RAP1GAP2: variants seen among roughly 807,000 people sequenced by gnomAD.
RAP1GAP2 encodes the protein RAP1 GTPase activating protein 2.
RAP1GAP2 carries 27 observed loss-of-function variants against 95.0 expected under a neutral mutation model. The observed-to-expected ratio is 0.28, with a 90% confidence interval of 0.21 to 0.39. RAP1GAP2 has a LOEUF of 0.39. Ranked by LOEUF, RAP1GAP2 falls within the 10% of genes least tolerant of loss-of-function variation. The probability of loss-of-function intolerance (pLI) is 1.00; values close to 1 mark genes in which losing one functional copy is unlikely to be tolerated. For missense variants in RAP1GAP2, 771 were observed against 970.0 expected (o/e 0.79, Z 2.72); for synonymous variants, 373 against 380.9 (o/e 0.98, Z 0.24).
chr17:2,936,815 T>C (rs1380109070), intron 3 of RAP1GAP2, among the ~76,000 whole-genome samples: 1 of 152,184 alleles, frequency 6.6e-6, no homozygotes, highest in Non-Finnish European at 1.5e-5. Flanking sequence ...CATTGCCCAC[T>C]CCTCTGTGCG....
chr17:2,894,124 A>G (rs1405475685), intron 2 of RAP1GAP2, among the ~76,000 whole-genome samples: 1 of 33,330 alleles, frequency 3.0e-5, no homozygotes, highest in African/African-American at 7.3e-5. Flanking sequence ...AAAAATACAG[A>G]AAAAAAAAAA....
At chr17:2,757,438 T>C (rs1739010790) in intron 1 of RAP1GAP2, among the ~76,000 whole-genome samples, 1 of 152,114 alleles carries the variant, frequency 6.6e-6, no homozygotes, top group Non-Finnish European at 1.5e-5. Context: ...TAATCCACTT[T>C]TGAATTACCT....
At chr17:2,889,882 T>C (rs1206543172) in intron 2 of RAP1GAP2, among the ~76,000 whole-genome samples, 1 of 83,762 alleles carries the variant, frequency 1.2e-5, no homozygotes, top group Non-Finnish European at 2.2e-5. Context: ...TATATATATA[T>C]ATATATATTT....
chr17:2,911,279 A>G (rs1245210386), intron 3 of RAP1GAP2, among the ~76,000 whole-genome samples: 1 of 96,178 alleles, frequency 1.0e-5, no homozygotes, highest in African/African-American at 5.8e-5. Context: ...TTTTGCTAAT[A>G]TGAAGCTGAT....
intron 11 of RAP1GAP2, among the ~76,000 whole-genome samples, chr17:2,988,907 A>C (rs9901593): frequency 0.72 from 109,902 of 151,800 alleles, 40,076 homozygotes; most frequent in South Asian, 0.83. Context: ...TAAAAATACA[A>C]AAAATTAGCC....
intron 3 of RAP1GAP2, among the ~76,000 whole-genome samples, chr17:2,946,153 A>G (rs570341746): frequency 6.6e-6 from 1 of 152,310 alleles, no homozygotes; most frequent in Admixed American, 6.5e-5. Flanking sequence ...CCACTTGGTC[A>G]TGGAATATAA....
intron 2 of RAP1GAP2, among the ~76,000 whole-genome samples, chr17:2,832,579 A>T (rs979283977): frequency 1.4e-5 from 2 of 141,828 alleles, no homozygotes; most frequent in Admixed American, 1.4e-4. Flanking sequence ...AAAAAAAAAG[A>T]TAAAGTCTCC....
chr17:2,985,204 A>AT, intron 11 of RAP1GAP2, 138 bp downstream of exon 11: 1 of 1,435,472 alleles, frequency 7.0e-7, no homozygotes, highest in South Asian at 1.6e-5. Flanking sequence ...TAAGGTATGA[A>AT]TTAGACTGGA....
chr17:2,898,440 TG>T, intron 2 of RAP1GAP2, among the ~76,000 whole-genome samples: 2 of 152,224 alleles, frequency 1.3e-5, no homozygotes, highest in Non-Finnish European at 2.9e-5. Flanking sequence ...CCAGGTCTGC[TG>T]GGCTCATGCC....
chr17:2,820,891 G>GTTTTTTTTTTTTTTTTTT lies in RAP1GAP2; in HGVS notation c.80+20341_80+20342insTTTTTTTTTTTTTTTTTT, dbSNP rs1475267891. On this transcript the variant is annotated intron_variant, in intron 2 of 24. Transcript: ENST00000254695. ...TGCCCGCCACCACGGCCCGGATAAT[G>GTTTTTTTTTTTTTTTTTT]GTTTTTTTTTTTTTTTTTGTATTTT... Among the ~76,000 whole-genome samples, 42 of 113,992 alleles carry GTTTTTTTTTTTTTTTTTT rather than the reference G, an allele frequency of 3.7e-4. 4 individuals are homozygous for GTTTTTTTTTTTTTTTTTT. The highest frequency in any genetic ancestry group is 1.3e-3 in the Admixed American group (13 of 9,792). 74.8% of individuals were successfully genotyped at this position (113,992 alleles called of 152,430 possible).
intron 2 of RAP1GAP2, among the ~76,000 whole-genome samples, chr17:2,832,426 C>CGGT (rs1567690398): frequency 6.8e-6 from 1 of 146,610 alleles, no homozygotes; most frequent in Non-Finnish European, 1.5e-5. Context: ...GGTGTTGTGG[C>CGGT]GGGCACCTGT....
rs534947174 is a variant in RAP1GAP2, at chr17:2,885,322, G to A, written c.81-19962G>A. ...GCTGGGATTACAGGCGTGAGCCACC[G>A]CGCCCGGCAGATAGACACACGTCTT... On this transcript the variant is annotated intron_variant, in intron 2 of 24. Transcript: ENST00000254695. 1.6e-4 allele frequency among the ~76,000 whole-genome samples: 25 copies of A among 152,262 alleles called. No homozygotes were observed. In the South Asian group the frequency reaches 4.8e-3, roughly 29 times the overall value.
chr17:2,882,480 C>T (rs151176423), intron 2 of RAP1GAP2, among the ~76,000 whole-genome samples: 1,590 of 149,174 alleles, frequency 0.011, 29 homozygotes, highest in African/African-American at 0.036. Flanking sequence ...TTAGTAGAGA[C>T]GGGGTTTCGC....
At chr17:2,854,882 G>A (rs1205541022) in intron 2 of RAP1GAP2, among the ~76,000 whole-genome samples, 1 of 152,214 alleles carries the variant, frequency 6.6e-6, no homozygotes, top group East Asian at 1.9e-4. Context: ...CAGCAATGGG[G>A]GGAGGGGAGT....
At chr17:3,016,864 G>A (rs2046786948) in intron 17 of RAP1GAP2, among the ~76,000 whole-genome samples, 2 of 152,154 alleles carry the variant, frequency 1.3e-5, no homozygotes, top group African/African-American at 4.8e-5. Context: ...TGGAGTAGAG[G>A]GCCCAGAAGC....
chr17:2,785,360 C>T (rs1169295256), intron 1 of RAP1GAP2, among the ~76,000 whole-genome samples: 1 of 151,566 alleles, frequency 6.6e-6, no homozygotes, highest in Non-Finnish European at 1.5e-5. Context: ...CCCCACCTTG[C>T]CTAGTTCACA....
At chr17:2,927,444 C>A (rs12946551) in intron 3 of RAP1GAP2, among the ~76,000 whole-genome samples, 1 of 152,156 alleles carries the variant, frequency 6.6e-6, no homozygotes, top group Non-Finnish European at 1.5e-5. Flanking sequence ...TGAGCCACCG[C>A]GCCCGGCTGA....
In RAP1GAP2 at chr17:2,827,920, C is replaced by T. The variant is rs1284991334; in HGVS notation, c.80+27370C>T. ...CCAGGGGGAGCGTGGCAGAGGCTCT[C>T]AGGCTGGAGGCCAGCTACTGCTCCG... On this transcript the variant is annotated intron_variant, in intron 2 of 24. Transcript: ENST00000254695. The surrounding 1 kb of genome is among the most constrained non-coding windows in gnomAD (Gnocchi z 4.1). Among the ~76,000 whole-genome samples the T allele has an allele frequency of 2.6e-5, 4 of 152,228 alleles. No homozygotes were observed. Among genetic ancestry groups the T allele is most frequent in the African/African-American group, 7.2e-5 (3 of 41,468 alleles).
intron 3 of RAP1GAP2, among the ~76,000 whole-genome samples, chr17:2,929,316 G>T (rs368905936): frequency 1.3e-5 from 2 of 152,224 alleles, no homozygotes; most frequent in Non-Finnish European, 2.9e-5. Context: ...CTGTGGAGGG[G>T]GCAGGGCCTG....
Sources: gnomAD v4.1 joint callset for allele counts (sites outside exome capture counted in the v4.1 genomes callset) on GRCh38, gnomAD v4.1.1 for gene constraint, Gnocchi (gnomAD v3.1) non-coding constraint, MANE v1.5 for transcripts, NCBI Gene and HGNC (gene_info 2026-07-23, HGNC 2026-07-21) for gene names.